The following CYLD variants were observed in gnomAD, a reference collection of about 807,000 sequenced individuals.
CYLD encodes the protein ubiquitin carboxyl-terminal hydrolase CYLD.
In CYLD, 26 loss-of-function variants were observed where a neutral mutation model predicts 104.5. The ratio of observed to expected loss-of-function variants is 0.25; its 90% confidence interval spans 0.18 to 0.35. CYLD has a LOEUF of 0.35. Among genes scored for constraint, CYLD ranks in the 10% least tolerant of loss-of-function variants. CYLD has a pLI of 1.00. For synonymous variants in CYLD, 385 were observed against 399.9 expected (o/e 0.96, Z 0.45); for missense variants, 703 against 1,136.1 (o/e 0.62, Z 5.48).
intron 5 of CYLD, among the ~76,000 whole-genome samples, chr16:50,757,447 A>G (rs866709178): frequency 6.6e-6 from 1 of 152,136 alleles, no homozygotes; most frequent in Non-Finnish European, 1.5e-5. Context: ...GCTATTTTTT[A>G]TTTTGCTTCC....
rs1272674761 is a variant in CYLD at position 50,786,953 on chromosome 16, A to G, written c.2041+7A>G. 2 of 1,604,624 alleles carry G rather than the reference A, an allele frequency of 1.2e-6. No individual in the cohort carries two copies. Among genetic ancestry groups the G allele is most frequent in the Admixed American group, 1.7e-5 (1 of 59,994 alleles). On this transcript the variant is annotated splice_region_variant and intron_variant, in intron 13 of 18. Transcript: ENST00000427738. ...TTTACCTCTGAAGAAAAAGGTGACC[A>G]TCTTAACTTATATGCGTTAAAAATA...
rs1567426961 is a variant in CYLD, at chr16:50,755,102, TATAC to T, written c.913+680_913+683del. Among the ~76,000 whole-genome samples the T allele has an allele frequency of 3.1e-4, 37 of 119,146 alleles. 2 individuals carry two copies. Among genetic ancestry groups the T allele is most frequent in the African/African-American group, 1.6e-3 (37 of 23,572 alleles). The allele number at this position is 119,146 out of a possible 152,430, so 78.2% of individuals were successfully genotyped here. A position where few individuals can be genotyped will look rare whatever the true frequency, so the allele number is the denominator to read the frequency against. On this transcript the variant is annotated intron_variant, in intron 5 of 18. Coordinates refer to ENST00000427738, the MANE Select transcript of CYLD (RefSeq NM_001378743.1). Reference sequence around the variant, plus strand: ...ATATACACACATATATACATACATATATACACACATATACACATGTGTATATATA... The same window carrying T: ...ATATACACACATATATACATACATATACACATATACACATGTGTATATATA...
At chr16:50,793,715 T>G (rs755293083) in intron 17 of CYLD, 51 bp downstream of exon 17, 6 of 1,168,138 alleles carry the variant, frequency 5.1e-6, no homozygotes, top group Middle Eastern at 1.9e-4. Flanking sequence ...AGTAACTTAT[T>G]TATAGTTGAA....
At chr16:50,793,321 ATACTC>A (rs1395103115) in intron 16 of CYLD, among the ~76,000 whole-genome samples, 1 of 152,198 alleles carries the variant, frequency 6.6e-6, no homozygotes, top group Admixed American at 6.5e-5. Context: ...GAAGGGAAAA[ATACTC>A]TAGGAGACAC....
chr16:50,746,860 A>G (rs1327242556), intron 2 of CYLD, among the ~76,000 whole-genome samples: 2 of 152,000 alleles, frequency 1.3e-5, no homozygotes, highest in African/African-American at 2.4e-5. Flanking sequence ...ATTAGCATTA[A>G]TGATTTTTAT....
rs372885659 is a variant in CYLD at position 50,751,771 on chromosome 16, G to T, written c.672G>T (p.Gln224His). 5.0e-6 allele frequency: 8 copies of T among 1,613,564 alleles called. No homozygotes were observed. The highest frequency in any genetic ancestry group is 5.9e-6 in the Non-Finnish European group (7 of 1,179,846). The change falls in exon 4 of 19, where the codon CAG becomes CAT. Residue 224 changes from glutamine to histidine, a missense_variant. Gln to His is a conservative substitution (Grantham distance 24). Transcript: ENST00000427738. ...ACGCAGGTCCTGGGGACACAATGCA[G>T]GTCGAACTTCCTCCTTTGGAAATAA... is the stretch of plus-strand genomic sequence containing the variant. ...SDYAGPGDTM[Q>H]VELPPLEINS... is the part of the protein sequence containing the mutation.
chr16:50,795,718 T>C (rs1971973438), intron 18 of CYLD: 2 of 644,942 alleles, frequency 3.1e-6, no homozygotes, highest in Middle Eastern at 3.5e-4. Flanking sequence ...TCTGTAGATG[T>C]GCCCCCAACC....
At chr16:50,788,636 C>T (rs1461164536) in intron 14 of CYLD, among the ~76,000 whole-genome samples, 1 of 152,122 alleles carries the variant, frequency 6.6e-6, no homozygotes, top group Non-Finnish European at 1.5e-5. Flanking sequence ...GAGACTGATA[C>T]ATAACCATCA....
At chr16:50,759,802 G>A (rs1967696924) in intron 5 of CYLD, among the ~76,000 whole-genome samples, 1 of 152,174 alleles carries the variant, frequency 6.6e-6, no homozygotes, top group African/African-American at 2.4e-5. Context: ...TGGTTTAAAA[G>A]TTTGTAGTTC....
intron 13 of CYLD, 185 bp from the exon 14 acceptor site, chr16:50,787,601 A>G (rs1274304179): frequency 5.7e-6 from 3 of 529,942 alleles, no homozygotes; most frequent in South Asian, 2.1e-5. Context: ...ATACTTGATT[A>G]TAACTTATTA....
At chr16:50,754,896 T>C (rs1966857727) in intron 5 of CYLD, among the ~76,000 whole-genome samples, 1 of 149,852 alleles carries the variant, frequency 6.7e-6, no homozygotes, top group South Asian at 2.1e-4. Context: ...TACGCATATA[T>C]ACATATACAC....
intron 12 of CYLD, 98 bp from the exon 13 acceptor site, chr16:50,786,757 A>G: frequency 1.1e-6 from 1 of 899,552 alleles, no homozygotes; most frequent in Non-Finnish European, 1.7e-6. Context: ...GTGAGACTCT[A>G]TCTCAAAAAA....
intron 7 of CYLD, among the ~76,000 whole-genome samples, chr16:50,777,038 A>G (rs1320630522): frequency 6.6e-6 from 1 of 152,160 alleles, no homozygotes; most frequent in Non-Finnish European, 1.5e-5. Flanking sequence ...CAAACTTGCT[A>G]CTCTCACTTA....
rs143602982 is a variant in CYLD at position 50,795,697 on chromosome 16, T to A, written c.2687-627T>A. The A allele has an allele frequency of 2.5e-4, 169 of 681,150 alleles. 1 individual carries two copies. The East Asian group carries it at 4.6e-3, about 18-fold the overall frequency. 42.2% of individuals were successfully genotyped at this position (681,150 alleles called of 1,614,324 possible). ...AGTTCTCTGATGCTTGAGGGATACA[T>A]CCCAGCCCCATCTGTAGATGTGCCC... On this transcript the variant is annotated intron_variant, in intron 18 of 18. Transcript: ENST00000427738.
chr16:50,744,764 A>G (rs1222952558), intron 2 of CYLD: 1 of 152,392 alleles, frequency 6.6e-6, no homozygotes, highest in East Asian at 1.9e-4. Flanking sequence ...ATTTTCATGT[A>G]AAACATATTT....
chr16:50,792,662 T>G lies in CYLD; in HGVS notation c.2307T>G (p.Ile769Met). The G allele has an allele frequency of 6.3e-7, 1 of 1,594,038 alleles. No individual in the cohort carries two copies. Among genetic ancestry groups the G allele is most frequent in the Non-Finnish European group, 8.6e-7 (1 of 1,164,268 alleles). The change falls in exon 16 of 19, where the codon ATT (isoleucine) becomes ATG (methionine). Residue 769 changes from isoleucine to methionine, a missense_variant. Transcript: ENST00000427738. Reference protein sequence around the residue: ...FGKDFKLFKKIFPSLELNITD... With the variant: ...FGKDFKLFKKMFPSLELNITD... Reference sequence around the variant, plus strand: ...AAGACTTTAAACTATTTAAAAAAATTTTTCCTTCTCTGGAATTAAATATAA... The same window carrying G: ...AAGACTTTAAACTATTTAAAAAAATGTTTCCTTCTCTGGAATTAAATATAA...
chr16:50,772,486 T>C (rs1421610207), intron 5 of CYLD, among the ~76,000 whole-genome samples: 1 of 152,198 alleles, frequency 6.6e-6, no homozygotes. Flanking sequence ...TAACAATAGA[T>C]ATTAGAGATT....
intron 7 of CYLD, among the ~76,000 whole-genome samples, chr16:50,777,489 A>G (rs1193403904): frequency 6.6e-6 from 1 of 152,190 alleles, no homozygotes; most frequent in African/African-American, 2.4e-5. Context: ...ATGAAGCTGG[A>G]GAATGGTGAT....
At chr16:50,749,127 G>C (rs557347860) in intron 2 of CYLD, among the ~76,000 whole-genome samples, 4 of 152,278 alleles carry the variant, frequency 2.6e-5, no homozygotes, top group Non-Finnish European at 5.9e-5. Context: ...ACTTGAGCCT[G>C]GAAGGTCTTG....
Sources: allele counts gnomAD v4.1 joint callset (sites outside exome capture counted in the v4.1 genomes callset), GRCh38; gene constraint gnomAD v4.1.1; transcripts MANE v1.5; gene names NCBI Gene and HGNC (gene_info 2026-07-23, HGNC 2026-07-21).